Variants in ARID4B observed in about 807,000 individuals in gnomAD.
ARID4B encodes AT-rich interaction domain 4B.
ARID4B carries 26 observed loss-of-function variants against 147.5 expected under a neutral mutation model. The ratio of observed to expected loss-of-function variants is 0.18; its 90% confidence interval spans 0.13 to 0.24. ARID4B has a LOEUF of 0.24. Ranked by LOEUF, ARID4B falls within the 10% of genes least tolerant of loss-of-function variation. ARID4B has a pLI of 1.00. For missense variants in ARID4B, 1,179 were observed against 1,511.5 expected (o/e 0.78, Z 3.65); for synonymous variants, 512 against 507.9 (o/e 1.01, Z -0.11).
At chr1:235,255,311 A>G (rs1669912964) in intron 5 of ARID4B, among the ~76,000 whole-genome samples, 1 of 136,938 alleles carries the variant, frequency 7.3e-6, no homozygotes, top group Admixed American at 7.8e-5. Flanking sequence ...ACACAGTTAA[A>G]AGACATTTCT....
intron 5 of ARID4B, among the ~76,000 whole-genome samples, chr1:235,254,777 A>G (rs1669846675): frequency 1.3e-5 from 2 of 152,014 alleles, no homozygotes; most frequent in South Asian, 4.1e-4. Context: ...CAGCAACTCA[A>G]AACGGAGAAA....
intron 2 of ARID4B, among the ~76,000 whole-genome samples, chr1:235,280,274 C>T (rs775366415): frequency 5.9e-5 from 9 of 152,006 alleles, no homozygotes; most frequent in Non-Finnish European, 8.8e-5. Context: ...TTAACATATC[C>T]AGTAACCTTA....
chr1:235,175,053 G>T, intron 22 of ARID4B, 131 bp downstream of exon 22: 1 of 766,894 alleles, frequency 1.3e-6, no homozygotes, highest in Non-Finnish European at 2.1e-6. Context: ...ATTACAGTGA[G>T]CCAAGATCGC....
intron 2 of ARID4B, among the ~76,000 whole-genome samples, chr1:235,313,289 CA>C (rs1424708013): frequency 1.1e-4 from 16 of 152,132 alleles, no homozygotes. Context: ...CTCAAACGCC[CA>C]AAGTGCTAGG....
intron 2 of ARID4B, among the ~76,000 whole-genome samples, chr1:235,287,120 G>T (rs564400099): frequency 6.6e-6 from 1 of 152,130 alleles, no homozygotes; most frequent in Admixed American, 6.5e-5. Context: ...TTAGCCGGGC[G>T]TGGTGGCAGG....
chr1:235,298,934 T>C (rs11580636), intron 2 of ARID4B, among the ~76,000 whole-genome samples: 1 of 112,426 alleles, frequency 8.9e-6, no homozygotes, highest in African/African-American at 4.1e-5. Flanking sequence ...CCCAGCACAG[T>C]GGCATTTCAT....
intron 19 of ARID4B, among the ~76,000 whole-genome samples, 183 bp from the exon 20 acceptor site, chr1:235,182,976 G>C (rs1664422394): frequency 6.6e-6 from 1 of 152,030 alleles, no homozygotes; most frequent in Admixed American, 6.6e-5. Context: ...TCCAATGATG[G>C]AAATGTTCTA....
At chr1:235,178,378 A>G (rs1664036575) in intron 20 of ARID4B, among the ~76,000 whole-genome samples, 1 of 152,170 alleles carries the variant, frequency 6.6e-6, no homozygotes. Context: ...TTTAGCAGTA[A>G]TTCATACTTG....
intron 2 of ARID4B, among the ~76,000 whole-genome samples, chr1:235,282,703 G>C (rs1221735989): frequency 6.6e-6 from 1 of 152,112 alleles, no homozygotes; most frequent in Non-Finnish European, 1.5e-5. Flanking sequence ...ATTAGAGAAA[G>C]AGAAAACAGG....
At chr1:235,269,602 T>C (rs948898166) in intron 2 of ARID4B, among the ~76,000 whole-genome samples, 4 of 152,136 alleles carry the variant, frequency 2.6e-5, no homozygotes, top group African/African-American at 4.8e-5. Flanking sequence ...AATGAGTACA[T>C]ACATATGTAC....
chr1:235,303,083 C>T (rs975868595), intron 2 of ARID4B, among the ~76,000 whole-genome samples: 1 of 152,110 alleles, frequency 6.6e-6, no homozygotes, highest in African/African-American at 2.4e-5. Flanking sequence ...GCCACCACAC[C>T]CGGCTAATTT....
intron 2 of ARID4B, among the ~76,000 whole-genome samples, chr1:235,271,271 C>T (rs1245844719): frequency 6.6e-6 from 1 of 152,114 alleles, no homozygotes; most frequent in Non-Finnish European, 1.5e-5. Context: ...GGGAGAACTG[C>T]TTGAGCCCAG....
At chr1:235,304,582 G>A (rs1673412936) in intron 2 of ARID4B, among the ~76,000 whole-genome samples, 1 of 152,038 alleles carries the variant, frequency 6.6e-6, no homozygotes, top group Non-Finnish European at 1.5e-5. Flanking sequence ...AAGAGTTAAG[G>A]GGCACTCATC....
chr1:235,227,509 C>G (rs1221838234), intron 11 of ARID4B, among the ~76,000 whole-genome samples: 1 of 152,202 alleles, frequency 6.6e-6, no homozygotes, highest in Admixed American at 6.5e-5. Flanking sequence ...GGCAGAATTT[C>G]ATAACTTACC....
chr1:235,260,447 T>C (rs562270048), intron 3 of ARID4B, among the ~76,000 whole-genome samples, 195 bp downstream of exon 3: 1 of 152,372 alleles, frequency 6.6e-6, no homozygotes, highest in South Asian at 2.1e-4. Context: ...GCATTCAAAA[T>C]ACCAACTGTG....
intron 7 of ARID4B, among the ~76,000 whole-genome samples, chr1:235,244,837 G>T (rs1005136107): frequency 5.3e-5 from 8 of 152,132 alleles, no homozygotes; most frequent in Non-Finnish European, 1.5e-5. Flanking sequence ...TAAGATCTAG[G>T]TTTAAGACTT....
At chr1:235,222,595 G>A (rs1667542486) in intron 13 of ARID4B, among the ~76,000 whole-genome samples, 1 of 151,716 alleles carries the variant, frequency 6.6e-6, no homozygotes, top group Non-Finnish European at 1.5e-5. Flanking sequence ...CAATATGGCT[G>A]TGCTGTGACT....
chr1:235,266,282 A>G (rs1670603606), intron 2 of ARID4B, among the ~76,000 whole-genome samples: 1 of 152,190 alleles, frequency 6.6e-6, no homozygotes, highest in African/African-American at 2.4e-5. Flanking sequence ...CTTTTGACCA[A>G]CACCAACCCT....
At chr1:235,215,547 A>ATATGTGTGTGTG in intron 16 of ARID4B, among the ~76,000 whole-genome samples, 2 of 136,498 alleles carry the variant, frequency 1.5e-5, no homozygotes, top group East Asian at 4.2e-4. Flanking sequence ...ACACATATAT[A>ATATGTGTGTGTG]TGTGTGTGTG....
Sources: gnomAD v4.1 joint callset for allele counts (sites outside exome capture counted in the v4.1 genomes callset) on GRCh38, gnomAD v4.1.1 for gene constraint, MANE v1.5 for transcripts, NCBI Gene and HGNC (gene_info 2026-07-23, HGNC 2026-07-21) for gene names.